SVEP1: variants seen among roughly 807,000 people sequenced by gnomAD.
SVEP1 encodes sushi, von Willebrand factor type A, EGF and pentraxin domain-containing protein 1.
Under a neutral mutation model 367.3 loss-of-function variants are expected in SVEP1, and 164 were observed. The observed-to-expected ratio is 0.45, with a 90% CI of 0.39 to 0.51. The LOEUF (loss-of-function observed/expected upper bound fraction) is 0.51, where lower values mean the gene tolerates loss of function less well. SVEP1 is among the 20% of genes least tolerant of loss of function. The probability of loss-of-function intolerance (pLI) is 0.00; values close to 1 mark genes in which losing one functional copy is unlikely to be tolerated. For missense variants in SVEP1, 4,117 were observed against 4,425.3 expected (o/e 0.93, Z 1.98); for synonymous variants, 1,666 against 1,611.6 (o/e 1.03, Z -0.81).
intron 18 of SVEP1, among the ~76,000 whole-genome samples, chr9:110,459,475 T>G (rs1588064126): frequency 6.6e-6 from 1 of 152,212 alleles, no homozygotes; most frequent in East Asian, 1.9e-4. Context: ...GAGCTAACTT[T>G]TCTACTATTG....
intron 45 of SVEP1, 79 bp from the exon 46 acceptor site, chr9:110,375,542 G>A (rs1451479115): frequency 1.6e-6 from 2 of 1,274,382 alleles, no homozygotes; most frequent in Non-Finnish European, 2.2e-6. Flanking sequence ...TCTTAGATAG[G>A]TTCAAGGGTT....
intron 2 of SVEP1, among the ~76,000 whole-genome samples, chr9:110,546,504 T>C (rs1418726274): frequency 6.6e-6 from 1 of 152,200 alleles, no homozygotes; most frequent in Non-Finnish European, 1.5e-5. Context: ...TATTCCAGTC[T>C]GGGACCTCAT....
chr9:110,435,038 T>C (rs1564141984), intron 29 of SVEP1, among the ~76,000 whole-genome samples: 2 of 152,202 alleles, frequency 1.3e-5, no homozygotes, highest in African/African-American at 2.4e-5. Flanking sequence ...CCTAATTATA[T>C]TTTGTTATAC....
chr9:110,470,030 T>C (rs1027990095), intron 16 of SVEP1, among the ~76,000 whole-genome samples: 1 of 152,196 alleles, frequency 6.6e-6, no homozygotes, highest in Admixed American at 6.5e-5. Flanking sequence ...CCCACGTTTA[T>C]GGAGAGATGA....
rs186589232 is a variant in SVEP1 at position 110,427,642 on chromosome 9, G to A, written c.5924C>T (p.Thr1975Met). 7.7e-5 allele frequency: 125 copies of A among 1,613,814 alleles called. No individual in the cohort carries two copies. Among genetic ancestry groups the A allele is most frequent in the African/African-American group, 7.7e-4 (58 of 74,992 alleles). Residue 1975 changes from threonine (T) to methionine (M), a missense_variant, in exon 36 of 48, where the codon ACG becomes ATG. By Grantham distance (81) the Thr-to-Met change is moderately conservative. Transcript: ENST00000374469. ...GTTCCTGAAAGTGAAGTTATTCCCC[G>A]TAATGACAGCATCTTTGATGGCAGG... ...EPPAIKDAVI[T>M]GNNFTFRNTV... is the part of the protein sequence containing the mutation.
chr9:110,504,020 TTTTTA>T (rs36224388), intron 5 of SVEP1, among the ~76,000 whole-genome samples: 144,147 of 148,526 alleles, frequency 0.97, 69,972 homozygotes, highest in East Asian at 0.99. Flanking sequence ...GCTTTTTATT[TTTTTA>T]TTTTATTTTA....
At chr9:110,409,559 C>T (rs973001212) in intron 37 of SVEP1, among the ~76,000 whole-genome samples, 13 of 152,150 alleles carry the variant, frequency 8.5e-5, no homozygotes, top group East Asian at 7.7e-4. Flanking sequence ...GATGAGGCAA[C>T]GCTAAAAATG....
chr9:110,411,063 C>A lies in SVEP1; in HGVS notation c.6648G>T (p.Glu2216Asp), dbSNP rs1828036353. The A allele has an allele frequency of 6.4e-7, 1 of 1,555,086 alleles. No homozygotes were observed. The highest frequency in any genetic ancestry group is 1.9e-5 in the Admixed American group (1 of 52,314). The change falls in exon 37 of 48, where the codon GAG (glutamate) becomes GAT (aspartate). Residue 2216 changes from glutamate (E) to aspartate (D), a missense_variant and splice_region_variant. This residue lies in a region of SVEP1 where 1,765 missense variants were observed against 1,781.1 expected (regional missense o/e 0.99). Transcript: ENST00000374469. Reference protein sequence around the residue: ...EPPKVENGFLEHTTGRIFESE... With the variant: ...EPPKVENGFLDHTTGRIFESE... ...GACCATTTGCTAATTGGTCTCTTAC[C>A]TCCAGAAAGCCATTCTCAACCTTAG...
intron 3 of SVEP1, among the ~76,000 whole-genome samples, chr9:110,523,990 C>T (rs2118797350): frequency 6.6e-6 from 1 of 152,216 alleles, no homozygotes; most frequent in South Asian, 2.1e-4. Context: ...GGTAAGCAGA[C>T]TCCATGGACA....
chr9:110,522,119 G>A (rs1829883299), intron 3 of SVEP1, among the ~76,000 whole-genome samples: 1 of 152,082 alleles, frequency 6.6e-6, no homozygotes, highest in South Asian at 2.1e-4. Context: ...CTGGGTATTA[G>A]CAGTTTTAAA....
intron 1 of SVEP1, among the ~76,000 whole-genome samples, chr9:110,554,416 G>C (rs1254617020): frequency 1.3e-5 from 2 of 152,132 alleles, no homozygotes; most frequent in African/African-American, 4.8e-5. Flanking sequence ...GTAGAAATGG[G>C]CATCTCTAAA....
In SVEP1 at chr9:110,548,611, ATCCAGACATTCTGGAT is replaced by A. The variant is rs1394069103; in HGVS notation, c.787+1222_787+1237del. On this transcript the variant is annotated intron_variant, in intron 2 of 47. Transcript: ENST00000374469. ...AGTAGGTAACAAAATCGGGATTTAA[ATCCAGACATTCTGGAT>A]TTTTAAGGCTTAGCTCTTAAAAATT... Among the ~76,000 whole-genome samples the A allele has an allele frequency of 2.0e-5, 3 of 152,238 alleles. No individual in the cohort carries two copies. The East Asian group carries it at 5.8e-4, about 29-fold the overall frequency.
In SVEP1 at chr9:110,406,277, C is replaced by A; in HGVS notation, c.9323G>T (p.Gly3108Val). The A allele has an allele frequency of 6.2e-7, 1 of 1,614,036 alleles. No homozygotes were observed. The highest frequency in any genetic ancestry group is 8.5e-7 in the Non-Finnish European group (1 of 1,179,898). Residue 3108 changes from glycine to valine, a missense_variant, in exon 38 of 48, where the codon GGG (glycine) becomes GTG (valine). Transcript: ENST00000374469. Reference sequence around the variant, plus strand: ...GACTGGATAAGGCTGGCTCCATACCCCTTTCTCTGTACAAATCAGATCTGA... The same window carrying A: ...GACTGGATAAGGCTGGCTCCATACCACTTTCTCTGTACAAATCAGATCTGA... ...GSSDLICTEK[G>V]VWSQPYPVCE...
intron 39 of SVEP1, among the ~76,000 whole-genome samples, chr9:110,402,449 T>A (rs1827878343): frequency 6.6e-6 from 1 of 152,150 alleles, no homozygotes; most frequent in South Asian, 2.1e-4. Flanking sequence ...CTGAACATAG[T>A]TTTACACAGT....
intron 5 of SVEP1, among the ~76,000 whole-genome samples, chr9:110,507,107 G>T (rs1408644987): frequency 6.6e-6 from 1 of 152,092 alleles, no homozygotes; most frequent in Admixed American, 6.5e-5. Context: ...ATAGATTATA[G>T]ATAGAACCTA....
chr9:110,390,286 C>CTTATATAAGTATGTGTATAT lies in SVEP1; in HGVS notation c.9823-700_9823-699insATATACACATACTTATATAA, dbSNP rs1564127486. Among the ~76,000 whole-genome samples, 9 of 39,920 alleles carry CTTATATAAGTATGTGTATAT rather than the reference C, an allele frequency of 2.3e-4. 2 individuals carry two copies. Among genetic ancestry groups the CTTATATAAGTATGTGTATAT allele is most frequent in the African/African-American group, 3.4e-4 (2 of 5,800 alleles). The allele number at this position is 39,920 out of a possible 152,430, so 26.2% of individuals were successfully genotyped here. A position where few individuals can be genotyped will look rare whatever the true frequency, so the allele number is the denominator to read the frequency against. ...ATGTATATATATACTTATATATATA[C>CTTATATAAGTATGTGTATAT]ATACTTATATATACTTATATAAGTA... is the stretch of plus-strand genomic sequence containing the variant. On this transcript the variant is annotated intron_variant, in intron 40 of 47. Transcript: ENST00000374469.
At chr9:110,470,751 C>CAT (rs36005017) in intron 16 of SVEP1, among the ~76,000 whole-genome samples, 22,736 of 147,226 alleles carry the variant, frequency 0.15, 2,198 homozygotes, top group East Asian at 0.44. Flanking sequence ...TTACTGTCTT[C>CAT]ATATATATAT....
At chr9:110,532,431 G>A (rs1035390574) in intron 3 of SVEP1, among the ~76,000 whole-genome samples, 1 of 152,010 alleles carries the variant, frequency 6.6e-6, no homozygotes, top group Non-Finnish European at 1.5e-5. Flanking sequence ...AGAAATGAAC[G>A]GACACACAAG....
chr9:110,389,274 C>T (rs1430698839), intron 41 of SVEP1, among the ~76,000 whole-genome samples: 2 of 152,076 alleles, frequency 1.3e-5, no homozygotes, highest in Non-Finnish European at 2.9e-5. Context: ...AGTTTTTAAA[C>T]AAACTGTTTG....
Sources: allele counts gnomAD v4.1 joint callset (sites outside exome capture counted in the v4.1 genomes callset), GRCh38; gene constraint gnomAD v4.1.1; regional missense constraint gnomAD v4.1.1; transcripts MANE v1.5; gene names NCBI Gene and HGNC (gene_info 2026-07-23, HGNC 2026-07-21).